Variants in ATP2A2 observed in about 807,000 individuals in gnomAD.
The protein encoded by ATP2A2 is sarcoplasmic/endoplasmic reticulum calcium ATPase 2.
A neutral mutation model predicts 109.3 loss-of-function variants in ATP2A2; 14 were observed. The observed-to-expected ratio is 0.13, with a 90% CI of 0.08 to 0.20. The LOEUF (loss-of-function observed/expected upper bound fraction) is 0.20. Ranked by LOEUF, ATP2A2 falls within the 10% of genes least tolerant of loss-of-function variation. The probability of loss-of-function intolerance (pLI) is 1.00; values close to 1 mark genes in which losing one functional copy is unlikely to be tolerated. For missense variants in ATP2A2, 657 were observed against 1,321.6 expected (o/e 0.50, Z 7.80); for synonymous variants, 506 against 490.9 (o/e 1.03, Z -0.41).
At chr12:110,345,181 T>C in intron 17 of ATP2A2, 68 bp from the exon 18 acceptor site, 4 of 1,611,008 alleles carry the variant, frequency 2.5e-6, no homozygotes, top group Non-Finnish European at 3.4e-6. Context: ...CTAGGCTTGG[T>C]ATGGGGTTGG....
At chr12:110,334,786 C>T (rs1046216977) in intron 11 of ATP2A2, among the ~76,000 whole-genome samples, 1 of 152,026 alleles carries the variant, frequency 6.6e-6, no homozygotes, top group Non-Finnish European at 1.5e-5. Flanking sequence ...AGGGGTTTCA[C>T]CATGCTAGCC....
chr12:110,344,780 G>A, intron 16 of ATP2A2, 106 bp from the exon 17 acceptor site: 1 of 1,115,478 alleles, frequency 9.0e-7, no homozygotes, highest in South Asian at 1.3e-5. Context: ...TACCATCACT[G>A]TCCCATGTCT....
intron 5 of ATP2A2, among the ~76,000 whole-genome samples, chr12:110,312,968 G>C (rs1005770814): frequency 4.6e-5 from 7 of 151,950 alleles, no homozygotes; most frequent in Admixed American, 3.9e-4. Context: ...TCTAGAAAAC[G>C]GATAAGCAGA....
intron 6 of ATP2A2, among the ~76,000 whole-genome samples, 154 bp downstream of exon 6, chr12:110,323,226 C>T (rs1877424937): frequency 6.6e-6 from 1 of 152,198 alleles, no homozygotes. Flanking sequence ...GCTCCATTGC[C>T]CAGGCTGGAG....
At chr12:110,285,006 A>G (rs1485614369) in intron 3 of ATP2A2, among the ~76,000 whole-genome samples, 1 of 152,180 alleles carries the variant, frequency 6.6e-6, no homozygotes, top group Non-Finnish European at 1.5e-5. Flanking sequence ...GTTTATTCCT[A>G]TTGATGTAAC....
intron 5 of ATP2A2, among the ~76,000 whole-genome samples, chr12:110,320,813 C>T (rs2137797376): frequency 6.6e-6 from 1 of 152,266 alleles, no homozygotes; most frequent in African/African-American, 2.4e-5. Flanking sequence ...CGCCTTGTGA[C>T]CACATTGCTT....
At position 110,349,192 on chromosome 12, in the gene ATP2A2, C is replaced by A; in HGVS notation, c.*2722C>A. On this transcript the variant is annotated 3_prime_UTR_variant, in exon 20 of 20. Coordinates refer to ENST00000539276, the MANE Select transcript of ATP2A2 (RefSeq NM_170665.4). ...AAGGCTTTGCTGGGTGAAAACACTTCAGCATCTCCTCCTCAGGTCAACCCA... is the reference window on the plus strand; with the variant it reads ...AAGGCTTTGCTGGGTGAAAACACTTAAGCATCTCCTCCTCAGGTCAACCCA... The A allele has an allele frequency of 1.0e-6, 1 of 985,598 alleles. No individual in the cohort carries two copies. Among genetic ancestry groups the A allele is most frequent in the South Asian group, 4.7e-5 (1 of 21,284 alleles). 61.1% of individuals were successfully genotyped at this position (985,598 alleles called of 1,614,324 possible).
chr12:110,309,175 T>TG, intron 5 of ATP2A2, among the ~76,000 whole-genome samples: 2 of 125,406 alleles, frequency 1.6e-5, no homozygotes, highest in Non-Finnish European at 3.3e-5. Flanking sequence ...TTTTTTTTTT[T>TG]GAGATGGAAT....
chr12:110,326,696 A>G (rs1358852735), intron 7 of ATP2A2, among the ~76,000 whole-genome samples: 1 of 152,224 alleles, frequency 6.6e-6, no homozygotes, highest in Non-Finnish European at 1.5e-5. Flanking sequence ...ACTAGCTTAT[A>G]CATCTTCAAA....
At chr12:110,281,206 C>CGCG (rs1195094328), upstream of ATP2A2, 1 of 150,562 alleles carries the variant, frequency 6.6e-6, no homozygotes, top group South Asian at 2.1e-4. Context: ...GTCCACATGC[C>CGCG]GCGGCGGCGG....
At chr12:110,343,167 GC>G in intron 15 of ATP2A2, 64 bp from the exon 16 acceptor site, 1 of 1,531,590 alleles carries the variant, frequency 6.5e-7, no homozygotes, top group Non-Finnish European at 9.0e-7. Context: ...GGTTGATGAT[GC>G]TCTTTAAATA....
intron 5 of ATP2A2, among the ~76,000 whole-genome samples, chr12:110,319,125 C>T (rs1030041060): frequency 6.7e-6 from 1 of 149,634 alleles, no homozygotes; most frequent in African/African-American, 2.5e-5. Context: ...GGGAAGATGA[C>T]TTGAGCCCAG....
In ATP2A2 at chr12:110,345,324, C is replaced by G. The variant is rs1326238348; in HGVS notation, c.2683C>G (p.Pro895Ala). The G allele has an allele frequency of 6.2e-7, 1 of 1,613,974 alleles. No individual in the cohort carries two copies. The highest frequency in any genetic ancestry group is 1.3e-5 in the African/African-American group (1 of 74,870). Residue 895 changes from proline to alanine, a missense_variant, in exon 18 of 20, where the codon CCG (proline) becomes GCG (alanine). Around this residue, in one of 9 missense-constraint regions of ATP2A2, gnomAD observed 125 missense variants for 243.5 expected, o/e 0.51. Coordinates refer to ENST00000539276, the MANE Select transcript of ATP2A2 (RefSeq NM_170665.4). ...VDCAIFESPY[P>A]MTMALSVLVT... is the part of the protein sequence containing the mutation. ...TTGTGCAATCTTTGAATCCCCATAC[C>G]CGATGACAATGGCGCTCTCTGTTCT...
chr12:110,325,617 G>C (rs1405252951), intron 6 of ATP2A2, among the ~76,000 whole-genome samples: 1 of 148,550 alleles, frequency 6.7e-6, no homozygotes, highest in Admixed American at 6.7e-5. Flanking sequence ...AACAAAGCAA[G>C]ACTCCGTCTC....
Position 110,346,224 on chromosome 12 carries a change from G to C in ATP2A2, c.2883G>C (p.Leu961=), listed in dbSNP as rs1310167683. The change falls in exon 20 of 20, where the codon CTG becomes CTC. Residue 961 remains leucine, a synonymous_variant. Transcript: ENST00000539276. ...AGCTCATCTTCCAGATCACACCGCT[G>C]AACGTGACCCAGTGGCTGATGGTGC... ...PLPLIFQITP[L]NVTQWLMVLK... is the part of the protein sequence containing the mutation. 2 of 1,614,196 alleles carry C rather than the reference G, an allele frequency of 1.2e-6. No homozygotes were observed. Among genetic ancestry groups the C allele is most frequent in the South Asian group, 2.2e-5 (2 of 91,084 alleles).
intron 5 of ATP2A2, among the ~76,000 whole-genome samples, chr12:110,301,602 C>G (rs1874653332): frequency 6.6e-6 from 1 of 152,216 alleles, no homozygotes; most frequent in Non-Finnish European, 1.5e-5. Flanking sequence ...TCATCATCTC[C>G]TAACTAGGCT....
intron 10 of ATP2A2, 118 bp downstream of exon 10, chr12:110,333,401 T>C: frequency 2.1e-6 from 2 of 970,758 alleles, no homozygotes; most frequent in Admixed American, 1.8e-5. Context: ...TGATTTTGTT[T>C]CCCCCTTCCA....
At chr12:110,286,057 G>A (rs1372384954) in intron 3 of ATP2A2, among the ~76,000 whole-genome samples, 3 of 151,968 alleles carry the variant, frequency 2.0e-5, no homozygotes, top group Non-Finnish European at 2.9e-5. Flanking sequence ...CTGAGTAGCT[G>A]GGATTACAGA....
In ATP2A2 at chr12:110,339,583, A is replaced by G. The variant is rs1160583411; in HGVS notation, c.1623A>G (p.Lys541=). The change falls in exon 13 of 20, where the codon AAA becomes AAG. Residue 541 remains lysine, a synonymous_variant. Coordinates refer to ENST00000539276, the MANE Select transcript of ATP2A2 (RefSeq NM_170665.4). This position sits in a 1 kb window ranked among gnomAD's most constrained non-coding sequence, Gnocchi z 4.4. ...AGGTTCCTATGACCTCTGGAGTCAA[A>G]CAGAAGATCATGTCTGTCATTCGAG... ...STKVPMTSGV[K]QKIMSVIREW... is the part of the protein sequence containing the mutation. The G allele has an allele frequency of 6.2e-7, 1 of 1,614,182 alleles. No homozygotes were observed. The highest frequency in any genetic ancestry group is 8.5e-7 in the Non-Finnish European group (1 of 1,180,040).
Sources: allele counts gnomAD v4.1 joint callset (sites outside exome capture counted in the v4.1 genomes callset), GRCh38; gene constraint gnomAD v4.1.1; regional missense constraint gnomAD v4.1.1; non-coding constraint Gnocchi (gnomAD v3.1); transcripts MANE v1.5; gene names NCBI Gene and HGNC (gene_info 2026-07-23, HGNC 2026-07-21).